The following TRIO variants were observed in gnomAD, a reference collection of about 807,000 sequenced individuals.
TRIO encodes the protein triple functional domain protein.
A neutral mutation model predicts 351.9 loss-of-function variants in TRIO; 58 were observed. The observed-to-expected ratio is 0.16, with a 90% CI of 0.13 to 0.21. The LOEUF (loss-of-function observed/expected upper bound fraction) is 0.21. TRIO is among the 10% of genes least tolerant of loss of function. The pLI, the probability that TRIO is intolerant of heterozygous loss-of-function variation, is 1.00. For synonymous variants in TRIO, 1,758 were observed against 1,595.7 expected, an observed-to-expected ratio of 1.10 and a Z score of -2.42; for missense variants, 3,201 against 4,027.8, an observed-to-expected ratio of 0.79 and a Z score of 5.56.
intron 1 of TRIO, among the ~76,000 whole-genome samples, chr5:14,168,453 C>T (rs1011352664): frequency 5.3e-5 from 8 of 152,194 alleles, no homozygotes; most frequent in Middle Eastern, 3.2e-3. Context: ...GGCTATTGGC[C>T]AACAGAATGA....
Position 14,189,620 on chromosome 5 carries a change from G to C in TRIO, c.157+45738G>C, listed in dbSNP as rs147106954. 1.4e-4 allele frequency among the ~76,000 whole-genome samples: 22 copies of C among 152,272 alleles called. No individual in the cohort carries two copies. In the East Asian group the frequency reaches 4.1e-3, roughly 28 times the overall value. On this transcript the variant is annotated intron_variant, in intron 1 of 56. Transcript: ENST00000344204. ...AGTGTCGTTTATTTTCATGCACTTA[G>C]AAACGTATTTAGTACTGTTTCTGCC...
intron 33 of TRIO, among the ~76,000 whole-genome samples, chr5:14,415,530 G>A (rs950017390): frequency 1.3e-5 from 2 of 152,194 alleles, no homozygotes; most frequent in Non-Finnish European, 2.9e-5. Context: ...GCTCTTGTTA[G>A]TTACAGCCAT....
At chr5:14,170,545 C>A (rs1483281852) in intron 1 of TRIO, among the ~76,000 whole-genome samples, 1 of 141,518 alleles carries the variant, frequency 7.1e-6, no homozygotes, top group South Asian at 2.2e-4. Context: ...CTTGCTTTGT[C>A]GCCTAGCCTG....
In TRIO at chr5:14,306,459, C is replaced by A. The variant is rs543657699; in HGVS notation, c.1500+1867C>A. 2.0e-5 allele frequency among the ~76,000 whole-genome samples: 3 copies of A among 152,274 alleles called. No individual in the cohort carries two copies. In the South Asian group the frequency reaches 6.2e-4, roughly 32 times the overall value. On this transcript the variant is annotated intron_variant, in intron 8 of 56. Transcript: ENST00000344204. ...CCATCAAGTTCTTTCCCGTGATGTG[C>A]CATCTCTATGCATTGTCTAATTTTG...
intron 1 of TRIO, among the ~76,000 whole-genome samples, chr5:14,187,163 A>C (rs1440993557): frequency 6.6e-6 from 1 of 152,204 alleles, no homozygotes; most frequent in Non-Finnish European, 1.5e-5. Context: ...TACGTGTCTA[A>C]TTATAGTGTC....
intron 1 of TRIO, among the ~76,000 whole-genome samples, chr5:14,199,335 A>C (rs2152168784): frequency 6.6e-6 from 1 of 152,158 alleles, no homozygotes; most frequent in Middle Eastern, 3.4e-3. Context: ...ATTCAGGACC[A>C]TGAGGTTTTG....
chr5:14,395,233 T>C (rs1449219333), intron 28 of TRIO, among the ~76,000 whole-genome samples: 5 of 152,228 alleles, frequency 3.3e-5, no homozygotes, highest in Non-Finnish European at 7.3e-5. Flanking sequence ...CCTGTACTTT[T>C]ATATCAAAAT....
In TRIO at chr5:14,498,168, T is replaced by C; in HGVS notation, c.8127T>C (p.Cys2709=). ...CCGTTGTTCTTAGATGTCGAGTCTG[T>C]GGCCGCCCCAAAGCCTCAATTACCT... ...GETVVLRCRV[C]GRPKASITWK... is the part of the protein sequence containing the mutation. The change falls in exon 52 of 57, where the codon TGT becomes TGC. Residue 2709 remains cysteine, a synonymous_variant. Transcript: ENST00000344204. The C allele has an allele frequency of 6.2e-7, 1 of 1,614,212 alleles. No individual in the cohort carries two copies. The highest frequency in any genetic ancestry group is 8.5e-7 in the Non-Finnish European group (1 of 1,180,040).
At chr5:14,261,026 CT>C (rs1214653359) in intron 1 of TRIO, among the ~76,000 whole-genome samples, 1 of 152,122 alleles carries the variant, frequency 6.6e-6, no homozygotes, top group Non-Finnish European at 1.5e-5. Flanking sequence ...TCCTTAAACC[CT>C]TTTTTGTTTA....
At chr5:14,254,032 ATAT>A (rs1349040418) in intron 1 of TRIO, among the ~76,000 whole-genome samples, 12 of 148,398 alleles carry the variant, frequency 8.1e-5, no homozygotes, top group African/African-American at 2.6e-4. Flanking sequence ...TATTTTGAAG[ATAT>A]TATTTCAAAA....
At chr5:14,364,387 C>A (rs1197361774) in intron 14 of TRIO, among the ~76,000 whole-genome samples, 2 of 151,310 alleles carry the variant, frequency 1.3e-5, no homozygotes, top group Non-Finnish European at 2.9e-5. Flanking sequence ...ACAAAAAAAA[C>A]CCTGAAATTC....
At chr5:14,256,512 C>G (rs1795029665) in intron 1 of TRIO, among the ~76,000 whole-genome samples, 1 of 152,174 alleles carries the variant, frequency 6.6e-6, no homozygotes, top group South Asian at 2.1e-4. Flanking sequence ...TGTCAGTGTT[C>G]TGGTTCTTAA....
intron 7 of TRIO, among the ~76,000 whole-genome samples, chr5:14,300,301 C>T (rs1737765785): frequency 1.3e-5 from 2 of 152,236 alleles, no homozygotes; most frequent in South Asian, 4.1e-4. Context: ...CCTCAAGCTG[C>T]ACTGCCCATT....
Position 14,456,881 on chromosome 5 carries a change from G to C in TRIO, c.5204-4138G>C, listed in dbSNP as rs574042099. ...AATAATAGATATGTTATTTCATTCT[G>C]TTAATGATGGTATTAAGTTTAAAGA... On this transcript the variant is annotated intron_variant, in intron 34 of 56. Transcript: ENST00000344204. Among the ~76,000 whole-genome samples, 4 of 152,288 alleles carry C rather than the reference G, an allele frequency of 2.6e-5. No homozygotes were observed. In the South Asian group the frequency reaches 8.3e-4, roughly 32 times the overall value.
intron 34 of TRIO, among the ~76,000 whole-genome samples, chr5:14,435,264 G>T (rs956840257): frequency 2.0e-5 from 3 of 152,190 alleles, no homozygotes; most frequent in African/African-American, 7.2e-5. Flanking sequence ...CCCTGCTAGA[G>T]CACCCGCAGT....
chr5:14,507,816 CCAT>C lies in TRIO; in HGVS notation c.8752-58_8752-56del, dbSNP rs1457583405. On this transcript the variant is annotated intron_variant, in intron 56 of 56. Coordinates refer to ENST00000344204, the MANE Select transcript of TRIO (RefSeq NM_007118.4). ...CTTCCACCTCACCATAGAGTCCCGC[CCAT>C]CATCACGAGTAAGCTTAAGATTGGA... is the stretch of plus-strand genomic sequence containing the variant. 25 of 1,552,354 alleles carry C rather than the reference CCAT, an allele frequency of 1.6e-5. 1 individual carries two copies. In the Admixed American group the frequency reaches 4.1e-4, roughly 26 times the overall value.
Position 14,492,605 on chromosome 5 carries a change from G to A in TRIO, c.7671G>A (p.Leu2557=), listed in dbSNP as rs760495024. 3.7e-6 allele frequency: 6 copies of A among 1,614,018 alleles called. No individual in the cohort carries two copies. Among genetic ancestry groups the A allele is most frequent in the Non-Finnish European group, 4.2e-6 (5 of 1,180,042 alleles). The change falls in exon 49 of 57, where the codon TTG becomes TTA. Residue 2557 remains leucine, a synonymous_variant. Coordinates refer to ENST00000344204, the MANE Select transcript of TRIO (RefSeq NM_007118.4). ...GCAGTAGCAACATCTCCACCATGTT[G>A]GTGACACACGATTACACGGCAGTGA... ...SSSSSNISTM[L]VTHDYTAVKE... is the part of the protein sequence containing the mutation.
intron 8 of TRIO, among the ~76,000 whole-genome samples, chr5:14,306,442 T>G (rs1451544903): frequency 1.3e-5 from 2 of 152,218 alleles, no homozygotes; most frequent in African/African-American, 4.8e-5. Flanking sequence ...AACCATCAAG[T>G]TCTTTCCCGT....
At chr5:14,245,924 T>G (rs1474552088) in intron 1 of TRIO, among the ~76,000 whole-genome samples, 1 of 152,184 alleles carries the variant, frequency 6.6e-6, no homozygotes, top group Non-Finnish European at 1.5e-5. Context: ...TGTTGAATAT[T>G]TTTGATGTCT....
Sources: gnomAD v4.1 joint callset for allele counts (sites outside exome capture counted in the v4.1 genomes callset) on GRCh38, gnomAD v4.1.1 for gene constraint, MANE v1.5 for transcripts, NCBI Gene and HGNC (gene_info 2026-07-23, HGNC 2026-07-21) for gene names.